Variants in SPNS3 observed in about 807,000 individuals in gnomAD.
The protein encoded by SPNS3 is protein spinster homolog 3.
SPNS3 carries 51 observed loss-of-function variants against 54.4 expected under a neutral mutation model. The ratio of observed to expected loss-of-function variants is 0.94; its 90% CI spans 0.75 to 1.18. SPNS3 has a LOEUF of 1.18. Ranked by LOEUF, SPNS3 falls within the 50% of genes most tolerant of loss-of-function variation. The probability of loss-of-function intolerance (pLI) is 0.00; values close to 1 mark genes in which losing one functional copy is unlikely to be tolerated. For missense variants in SPNS3, 669 were observed against 677.4 expected, an observed-to-expected ratio of 0.99 and a Z score of 0.14; for synonymous variants, 309 against 294.7, an observed-to-expected ratio of 1.05 and a Z score of -0.50.
intron 8 of SPNS3, among the ~76,000 whole-genome samples, chr17:4,458,536 C>T (rs1971385207): frequency 8.4e-5 from 8 of 95,026 alleles, no homozygotes; most frequent in African/African-American, 2.9e-5. Flanking sequence ...GCCTTCCTTC[C>T]TTCCTTCCTT....
intron 1 of SPNS3, 136 bp from the exon 2 acceptor site, chr17:4,439,522 G>C (rs769289232): frequency 6.4e-5 from 43 of 675,580 alleles, no homozygotes; most frequent in Non-Finnish European, 1.1e-4. Flanking sequence ...GAGAGAGGGG[G>C]AGAGAACAGT....
chr17:4,458,192 A>G (rs1971366119), intron 8 of SPNS3, among the ~76,000 whole-genome samples: 1 of 151,880 alleles, frequency 6.6e-6, no homozygotes, highest in Non-Finnish European at 1.5e-5. Flanking sequence ...GTCTTTCTCC[A>G]GAACTGTTCT....
chr17:4,473,750 T>C (rs985876858), intron 8 of SPNS3, among the ~76,000 whole-genome samples: 3 of 152,122 alleles, frequency 2.0e-5, no homozygotes, highest in African/African-American at 7.2e-5. Flanking sequence ...ACTGCCCATC[T>C]GGTGTCCACA....
intron 7 of SPNS3, among the ~76,000 whole-genome samples, chr17:4,450,763 T>TTA (rs1491511742): frequency 9.6e-5 from 1 of 10,462 alleles, no homozygotes; most frequent in Non-Finnish European, 8.4e-4. Context: ...TGCCCAGCTA[T>TTA]TTTTTTTTTT....
chr17:4,478,765 G>A (rs1972080586), intron 9 of SPNS3, 128 bp downstream of exon 9: 7 of 865,924 alleles, frequency 8.1e-6, no homozygotes, highest in African/African-American at 1.7e-5. Context: ...AGCCATTCAC[G>A]GTTATCTTGG....
intron 8 of SPNS3, among the ~76,000 whole-genome samples, chr17:4,462,905 C>T (rs1971575680): frequency 7.4e-6 from 1 of 135,518 alleles, no homozygotes; most frequent in Admixed American, 8.1e-5. Flanking sequence ...CTTCACTTCT[C>T]AGATGGCAGG....
intron 8 of SPNS3, among the ~76,000 whole-genome samples, chr17:4,469,805 G>A (rs1161218461): frequency 6.6e-6 from 1 of 151,976 alleles, no homozygotes; most frequent in African/African-American, 2.4e-5. Context: ...GTGCTACCGT[G>A]GTGAGGTCAA....
In SPNS3 at chr17:4,439,728, G is replaced by A; in HGVS notation, c.265+5G>A. The A allele has an allele frequency of 1.9e-6, 3 of 1,611,218 alleles. No homozygotes were observed. The highest frequency in any genetic ancestry group is 2.5e-6 in the Non-Finnish European group (3 of 1,178,796). ...ATGCTGGTTTGCTTCAGACTGGTAA[G>A]GAGGAGCCCTGGCTCTGGAGCCGGG... is the stretch of plus-strand genomic sequence containing the variant. On this transcript the variant is annotated splice_donor_5th_base_variant and intron_variant, in intron 2 of 11. Coordinates refer to ENST00000355530, the MANE Select transcript of SPNS3 (RefSeq NM_182538.5).
At chr17:4,466,539 CA>C (rs71144202) in intron 8 of SPNS3, among the ~76,000 whole-genome samples, 4,899 of 104,882 alleles carry the variant, frequency 0.047, 256 homozygotes, top group African/African-American at 0.14. Flanking sequence ...GACTCTGTCT[CA>C]AAAAAAAAAA....
At chr17:4,454,634 T>TTG (rs1971255868) in intron 8 of SPNS3, among the ~76,000 whole-genome samples, 1 of 74,228 alleles carries the variant, frequency 1.3e-5, no homozygotes, top group African/African-American at 4.5e-5. Context: ...TTTTTTTTTT[T>TTG]GAGACAGAGT....
At chr17:4,475,061 G>A (rs1220054982) in intron 8 of SPNS3, among the ~76,000 whole-genome samples, 1 of 152,152 alleles carries the variant, frequency 6.6e-6, no homozygotes, top group Non-Finnish European at 1.5e-5. Context: ...GTGACAGTGT[G>A]AGCATGGATA....
At chr17:4,445,706 C>G (rs1287279603) in intron 3 of SPNS3, among the ~76,000 whole-genome samples, 1 of 151,992 alleles carries the variant, frequency 6.6e-6, no homozygotes, top group Admixed American at 6.6e-5. Flanking sequence ...ACAGGAGGCC[C>G]CCTCTCTCCT....
intron 8 of SPNS3, among the ~76,000 whole-genome samples, chr17:4,463,683 G>A (rs933128956): frequency 6.0e-5 from 8 of 132,880 alleles, no homozygotes; most frequent in Non-Finnish European, 7.0e-5. Flanking sequence ...AGGTTGCAGT[G>A]AGCCGAAATC....
intron 5 of SPNS3, 108 bp downstream of exon 5, chr17:4,447,070 G>A: frequency 9.2e-7 from 1 of 1,092,740 alleles, no homozygotes; most frequent in East Asian, 2.5e-5. Context: ...GCCATTAGGG[G>A]GACGGGGGGT....
intron 7 of SPNS3, among the ~76,000 whole-genome samples, chr17:4,451,690 C>T (rs2018575): frequency 9.0e-4 from 135 of 150,812 alleles, no homozygotes; most frequent in African/African-American, 3.1e-3. Flanking sequence ...GTTTTTGAGA[C>T]GGAGTCTTGC....
intron 8 of SPNS3, among the ~76,000 whole-genome samples, chr17:4,455,527 T>C (rs1408179965): frequency 6.6e-6 from 1 of 152,184 alleles, no homozygotes; most frequent in Non-Finnish European, 1.5e-5. Flanking sequence ...CCCAATTCCT[T>C]GATGCAAGGG....
intron 7 of SPNS3, among the ~76,000 whole-genome samples, chr17:4,451,308 G>A (rs1271334450): frequency 2.0e-5 from 3 of 150,742 alleles, no homozygotes; most frequent in African/African-American, 7.3e-5. Context: ...CTGGAGTGCA[G>A]TAGCACGATC....
At position 4,446,059 on chromosome 17, in the gene SPNS3, C is replaced by G. The variant is rs766921184; in HGVS notation, c.414C>G (p.Leu138=). The stretch of plus-strand genomic sequence containing the variant: ...GCCTGCTCGCCCAGTATTCTTGGCT[C>G]TTCTTCCTGTCCCGGGGCATCGTGG... ...SSFISPRYSW[L]FFLSRGIVGT... The change falls in exon 4 of 12, where the codon CTC becomes CTG. Residue 138 remains leucine, a synonymous_variant. Transcript: ENST00000355530. 1 of 1,608,494 alleles carries G rather than the reference C, an allele frequency of 6.2e-7. No individual in the cohort carries two copies. The highest frequency in any genetic ancestry group is 1.1e-5 in the South Asian group (1 of 90,756).
At chr17:4,465,230 G>C (rs1468081511) in intron 8 of SPNS3, among the ~76,000 whole-genome samples, 1 of 152,148 alleles carries the variant, frequency 6.6e-6, no homozygotes, top group African/African-American at 2.4e-5. Flanking sequence ...ACCTGTCTGT[G>C]GCCTCTCCGT....
Sources: gnomAD v4.1 joint callset for allele counts (sites outside exome capture counted in the v4.1 genomes callset) on GRCh38, gnomAD v4.1.1 for gene constraint, MANE v1.5 for transcripts, NCBI Gene and HGNC (gene_info 2026-07-23, HGNC 2026-07-21) for gene names.